The following TNFSF8 variants were observed in gnomAD, a reference collection of about 807,000 sequenced individuals.
The protein encoded by TNFSF8 is tumor necrosis factor ligand superfamily member 8.
A neutral mutation model predicts 22.0 loss-of-function variants in TNFSF8; 4 were observed. The observed-to-expected ratio is 0.18, with a 90% confidence interval of 0.09 to 0.42. The LOEUF is 0.42. Ranked by LOEUF, TNFSF8 falls within the 10% of genes least tolerant of loss-of-function variation. The pLI, the probability that TNFSF8 is intolerant of heterozygous loss-of-function variation, is 1.00. For missense variants in TNFSF8, 233 were observed against 281.8 expected, an observed-to-expected ratio of 0.83 and a Z score of 1.24; for synonymous variants, 106 against 112.5, an observed-to-expected ratio of 0.94 and a Z score of 0.37.
intron 2 of TNFSF8, among the ~76,000 whole-genome samples, chr9:114,908,122 T>C (rs1182238951): frequency 1.3e-5 from 2 of 152,224 alleles, no homozygotes; most frequent in African/African-American, 4.8e-5. Flanking sequence ...AGTCAGCTCC[T>C]CCAGGATACT....
intron 2 of TNFSF8, among the ~76,000 whole-genome samples, chr9:114,916,336 C>G (rs1162823043): frequency 1.3e-5 from 2 of 152,042 alleles, no homozygotes; most frequent in Non-Finnish European, 2.9e-5. Context: ...ATTATGGTAC[C>G]AGAATACTAG....
Position 114,901,253 on chromosome 9 carries a change from G to T in TNFSF8, c.*2678C>A, listed in dbSNP as rs181847730. 11 of 985,390 alleles carry T rather than the reference G, an allele frequency of 1.1e-5. No individual in the cohort carries two copies. The East Asian group carries it at 9.1e-4, about 81-fold the overall frequency. The allele number at this position is 985,390 out of a possible 1,614,324, so 61.0% of individuals were successfully genotyped here. A position where few individuals can be genotyped will look rare whatever the true frequency, so the allele number is the denominator to read the frequency against. On this transcript the variant is annotated 3_prime_UTR_variant, in exon 4 of 4. Transcript: ENST00000223795. Reference sequence around the variant, plus strand: ...GGCTGGTTAACCCTCAAGAGTAACAGAATTTAGTTTTAAACTTCCTGGGTT... The same window carrying T: ...GGCTGGTTAACCCTCAAGAGTAACATAATTTAGTTTTAAACTTCCTGGGTT...
exon 5 of TNFSF8, chr9:114,893,942 T>TG (rs1827630696): frequency 1.6e-5 from 11 of 680,684 alleles, no homozygotes; most frequent in South Asian, 1.5e-4. Context: ...ATTCTGTTTG[T>TG]GGGGGGTGAA....
intron 1 of TNFSF8, among the ~76,000 whole-genome samples, chr9:114,921,624 A>C (rs1047549450): frequency 2.0e-5 from 3 of 152,050 alleles, no homozygotes; most frequent in African/African-American, 7.2e-5. Context: ...TTGTTCACCA[A>C]CTCCTCTTTG....
chr9:114,914,781 G>A (rs988382437), intron 2 of TNFSF8, among the ~76,000 whole-genome samples: 2 of 152,162 alleles, frequency 1.3e-5, no homozygotes, highest in Non-Finnish European at 2.9e-5. Flanking sequence ...CCTCCCAGGC[G>A]CTCTTCCTGG....
intron 1 of TNFSF8, among the ~76,000 whole-genome samples, chr9:114,927,140 T>C (rs1222409491): frequency 6.7e-6 from 1 of 148,744 alleles, no homozygotes; most frequent in East Asian, 1.9e-4. Flanking sequence ...TAAAATAGTA[T>C]TTATTTTATA....
chr9:114,907,856 AC>A, intron 2 of TNFSF8, among the ~76,000 whole-genome samples: 1 of 152,262 alleles, frequency 6.6e-6, no homozygotes. Flanking sequence ...AAGGAAATGG[AC>A]CCTTTTAAAG....
At chr9:114,920,196 C>T (rs939647141) in intron 1 of TNFSF8, among the ~76,000 whole-genome samples, 3 of 152,188 alleles carry the variant, frequency 2.0e-5, no homozygotes, top group African/African-American at 4.8e-5. Flanking sequence ...TACTGCCAAG[C>T]GTGACCATTG....
chr9:114,913,387 C>T (rs1432985792), intron 2 of TNFSF8, among the ~76,000 whole-genome samples: 23 of 152,186 alleles, frequency 1.5e-4, no homozygotes, highest in Admixed American at 1.4e-3. Flanking sequence ...GAAATTCAGC[C>T]TCTAGAACCC....
At chr9:114,921,012 C>G (rs919894883) in intron 1 of TNFSF8, among the ~76,000 whole-genome samples, 3 of 152,172 alleles carry the variant, frequency 2.0e-5, no homozygotes, top group Non-Finnish European at 4.4e-5. Context: ...ACTGACACTC[C>G]TGGCCCACAG....
intron 1 of TNFSF8, among the ~76,000 whole-genome samples, chr9:114,919,932 A>G (rs1827967214): frequency 6.6e-6 from 1 of 152,222 alleles, no homozygotes. Context: ...AGATGGGGGA[A>G]GTCAGCTTAA....
chr9:114,894,778 C>A, intron 4 of TNFSF8, among the ~76,000 whole-genome samples: 1 of 152,112 alleles, frequency 6.6e-6, no homozygotes, highest in Non-Finnish European at 1.5e-5. Flanking sequence ...GTAAACACAT[C>A]AAAGTAATGA....
intron 2 of TNFSF8, among the ~76,000 whole-genome samples, chr9:114,908,581 G>C (rs1239564350): frequency 2.0e-5 from 3 of 151,946 alleles, no homozygotes; most frequent in South Asian, 4.1e-4. Flanking sequence ...ACACGTTCTG[G>C]TTCTTTTGTT....
In TNFSF8 at chr9:114,902,353, C is replaced by G; in HGVS notation, c.*1578G>C. 1.0e-6 allele frequency: 1 copy of G among 985,420 alleles called. No individual in the cohort carries two copies. The highest frequency in any genetic ancestry group is 1.2e-6 in the Non-Finnish European group (1 of 829,934). The allele number at this position is 985,420 out of a possible 1,614,324, so 61.0% of individuals were successfully genotyped here. On this transcript the variant is annotated 3_prime_UTR_variant, in exon 4 of 4. Transcript: ENST00000223795. ...ATATATTATGCAGGGGATGGAGCAGCCATTCCCTGGCTAGATGACCACATC... is the reference window on the plus strand; with the variant it reads ...ATATATTATGCAGGGGATGGAGCAGGCATTCCCTGGCTAGATGACCACATC...
At chr9:114,897,959 C>T (rs1200892892), downstream of TNFSF8, among the ~76,000 whole-genome samples, 6 of 151,900 alleles carry the variant, frequency 3.9e-5, no homozygotes, top group Non-Finnish European at 7.4e-5. Flanking sequence ...TCCTCAACAT[C>T]GCAGACTCTC....
chr9:114,927,033 G>A (rs1160211936), intron 1 of TNFSF8, among the ~76,000 whole-genome samples: 4 of 134,416 alleles, frequency 3.0e-5, no homozygotes, highest in African/African-American at 6.0e-5. Context: ...AACATAAAAT[G>A]TTTATTTTAT....
chr9:114,926,322 CG>C (rs1363671827), intron 1 of TNFSF8, among the ~76,000 whole-genome samples: 18 of 152,002 alleles, frequency 1.2e-4, no homozygotes, highest in African/African-American at 4.4e-4. Context: ...TCCAGCTACT[CG>C]GGAGACTGAG....
At chr9:114,927,187 A>G (rs192876424) in intron 1 of TNFSF8, among the ~76,000 whole-genome samples, 123 of 151,394 alleles carry the variant, frequency 8.1e-4, no homozygotes, top group Admixed American at 1.4e-3. Context: ...ACAAAATACA[A>G]CCACCACTGA....
rs1474010729 is a variant in TNFSF8 at position 114,930,315 on chromosome 9, T to C, written c.-12A>G. 6.6e-7 allele frequency: 1 copy of C among 1,509,032 alleles called. No individual in the cohort carries two copies. The highest frequency in any genetic ancestry group is 8.9e-7 in the Non-Finnish European group (1 of 1,124,790). 93.5% of individuals were successfully genotyped at this position (1,509,032 alleles called of 1,614,324 possible). A position where few individuals can be genotyped will look rare whatever the true frequency, so the allele number is the denominator to read the frequency against. On this transcript the variant is annotated 5_prime_UTR_variant, in exon 1 of 4. Coordinates refer to ENST00000223795, the MANE Select transcript of TNFSF8 (RefSeq NM_001244.4). ...AGCCCTGGGTCCATTCTTTATATAG[T>C]CTTCCCCACATCACACCTTATCTCT... is the stretch of plus-strand genomic sequence containing the variant.
Sources: allele counts gnomAD v4.1 joint callset (sites outside exome capture counted in the v4.1 genomes callset), GRCh38; gene constraint gnomAD v4.1.1; transcripts MANE v1.5; gene names NCBI Gene and HGNC (gene_info 2026-07-23, HGNC 2026-07-21).